The following GPC3 variants were observed in gnomAD, a reference collection of about 807,000 sequenced individuals.
The protein encoded by GPC3 is glypican 3, also known as glypican-3.
GPC3 carries 3 observed loss-of-function variants against 34.4 expected under a neutral mutation model. The ratio of observed to expected loss-of-function variants is 0.09; its 90% CI spans 0.04 to 0.23. GPC3 has a LOEUF of 0.23. GPC3 is among the 10% of genes least tolerant of loss of function. GPC3 has a pLI of 1.00. For synonymous variants in GPC3, 177 were observed against 174.0 expected (o/e 1.02, Z -0.13); for missense variants, 351 against 445.6 (o/e 0.79, Z 1.91).
intron 6 of GPC3, among the ~76,000 whole-genome samples, chrX:133,627,632 A>G (rs1324039273): frequency 8.9e-6 from 1 of 112,689 alleles, no homozygotes; most frequent in African/African-American, 3.2e-5. Flanking sequence ...ATAAGTACAA[A>G]TTCAACAAAG....
intron 5 of GPC3, among the ~76,000 whole-genome samples, chrX:133,666,888 A>G (rs1357595371): frequency 2.7e-5 from 3 of 112,462 alleles, no homozygotes; most frequent in African/African-American, 9.7e-5. Flanking sequence ...AAAGGATAAG[A>G]GCAGTCACTT....
chrX:133,694,607 C>T (rs1002473854), intron 4 of GPC3, among the ~76,000 whole-genome samples: 35 of 110,206 alleles, frequency 3.2e-4, no homozygotes, highest in African/African-American at 1.0e-3. Context: ...GGCCATTAGT[C>T]TACGGGAAAC....
chrX:133,629,435 G>A (rs145885816), intron 6 of GPC3, among the ~76,000 whole-genome samples: 5,269 of 110,849 alleles, frequency 0.048, 338 homozygotes, highest in African/African-American at 0.16. Context: ...TCGCTTTGTT[G>A]CCCAGGCTGG....
chrX:133,900,138 C>T (rs900860267), intron 2 of GPC3, among the ~76,000 whole-genome samples: 24 of 112,158 alleles, frequency 2.1e-4, no homozygotes, highest in Admixed American at 6.6e-4. Flanking sequence ...TAAACTAAAG[C>T]GCAGAAGGAG....
intron 2 of GPC3, among the ~76,000 whole-genome samples, chrX:133,793,934 G>T (rs1368712338): frequency 9.0e-6 from 1 of 111,287 alleles, no homozygotes; most frequent in Non-Finnish European, 1.9e-5. Flanking sequence ...TTTTCAGTTG[G>T]GCCCCCTGAT....
chrX:133,903,956 G>C (rs889442586), intron 2 of GPC3, among the ~76,000 whole-genome samples: 1 of 111,748 alleles, frequency 8.9e-6, no homozygotes, highest in Non-Finnish European at 1.9e-5. Context: ...AGGTACCCTG[G>C]CTCAGGGTAG....
chrX:133,707,719 T>C (rs1342124047), intron 3 of GPC3, among the ~76,000 whole-genome samples: 1 of 111,561 alleles, frequency 9.0e-6, no homozygotes, highest in East Asian at 2.8e-4. Context: ...ATTAATATAA[T>C]TAATAGTGTG....
chrX:133,674,504 A>C (rs1281002677), intron 5 of GPC3, among the ~76,000 whole-genome samples: 2 of 111,830 alleles, frequency 1.8e-5, no homozygotes, highest in Non-Finnish European at 3.8e-5. Context: ...ATTTAAGCCT[A>C]GCTGAGAGGA....
intron 2 of GPC3, among the ~76,000 whole-genome samples, chrX:133,786,145 C>T (rs1191252117): frequency 8.9e-6 from 1 of 112,435 alleles, no homozygotes; most frequent in Non-Finnish European, 1.9e-5. Flanking sequence ...GTAATCCCAA[C>T]ACTTTGGGAG....
At chrX:133,870,977 T>C (rs886289019) in intron 2 of GPC3, among the ~76,000 whole-genome samples, 2 of 111,856 alleles carry the variant, frequency 1.8e-5, no homozygotes, top group Non-Finnish European at 3.8e-5. Flanking sequence ...CTTTGCTGGG[T>C]CTTTTTTCTA....
At chrX:133,777,684 T>G (rs1213551149) in intron 2 of GPC3, among the ~76,000 whole-genome samples, 1 of 112,129 alleles carries the variant, frequency 8.9e-6, no homozygotes, top group African/African-American at 3.2e-5. Flanking sequence ...TCTGCAAACC[T>G]GTTATGTCAG....
intron 2 of GPC3, among the ~76,000 whole-genome samples, chrX:133,787,933 A>C (rs985845832): frequency 9.2e-6 from 1 of 108,621 alleles, no homozygotes; most frequent in Non-Finnish European, 1.9e-5. Flanking sequence ...AGAAAACTTC[A>C]TTCAATAATA....
At chrX:133,745,885 C>A (rs766056603) in intron 3 of GPC3, among the ~76,000 whole-genome samples, 82 of 112,341 alleles carry the variant, frequency 7.3e-4, no homozygotes, top group South Asian at 1.1e-3. Context: ...CTATCCTTTT[C>A]AAGTATCTTT....
chrX:133,575,871 C>T (rs2069675500), intron 7 of GPC3, among the ~76,000 whole-genome samples: 1 of 111,323 alleles, frequency 9.0e-6, no homozygotes, highest in Non-Finnish European at 1.9e-5. Flanking sequence ...GGCTCAGGCA[C>T]CCAGAAGAAC....
At chrX:133,901,346 T>C (rs1262640827) in intron 2 of GPC3, among the ~76,000 whole-genome samples, 1 of 111,786 alleles carries the variant, frequency 8.9e-6, no homozygotes, top group African/African-American at 3.3e-5. Context: ...TTCATGGAAG[T>C]GAAAACTTTG....
chrX:133,582,449 C>T (rs1459957175), intron 7 of GPC3, among the ~76,000 whole-genome samples: 1 of 111,490 alleles, frequency 9.0e-6, no homozygotes, highest in Non-Finnish European at 1.9e-5. Flanking sequence ...CAGAGACACA[C>T]AGAGCAGGCT....
intron 7 of GPC3, among the ~76,000 whole-genome samples, chrX:133,569,878 T>C (rs1200883359): frequency 2.8e-5 from 3 of 107,560 alleles, no homozygotes; most frequent in Admixed American, 9.8e-5. Flanking sequence ...TTAATACATC[T>C]ATATAGAAAA....
intron 2 of GPC3, among the ~76,000 whole-genome samples, chrX:133,854,893 G>T (rs984319101): frequency 6.3e-5 from 7 of 111,874 alleles, no homozygotes; most frequent in African/African-American, 2.3e-4. Flanking sequence ...AACCATTCAA[G>T]ATAATGTTTT....
intron 2 of GPC3, among the ~76,000 whole-genome samples, chrX:133,910,753 T>C (rs1285213266): frequency 1.8e-5 from 2 of 112,284 alleles, no homozygotes; most frequent in Admixed American, 1.9e-4. Context: ...TAGTTGTTAG[T>C]AGGCTTCTAT....
Sources: allele counts gnomAD v4.1 joint callset (sites outside exome capture counted in the v4.1 genomes callset), GRCh38; gene constraint gnomAD v4.1.1; transcripts MANE v1.5; gene names NCBI Gene and HGNC (gene_info 2026-07-23, HGNC 2026-07-21).